ZSCAN25: variants seen among roughly 807,000 people sequenced by gnomAD.
ZSCAN25 encodes zinc finger and SCAN domain containing 25.
In ZSCAN25, 27 loss-of-function variants were observed where a neutral mutation model predicts 38.7. That is an observed-to-expected ratio of 0.70 (90% CI 0.51 to 0.96). The LOEUF is 0.96. Among genes scored for constraint, ZSCAN25 ranks in the 40% least tolerant of loss-of-function variants. The pLI is 0.00. For synonymous variants in ZSCAN25, 273 were observed against 277.7 expected (o/e 0.98, Z 0.17); for missense variants, 637 against 705.9 (o/e 0.90, Z 1.11).
At chr7:99,670,609 A>G in the ZSCAN25 span, among the ~76,000 whole-genome samples, 93 of 152,320 alleles carry the variant, frequency 6.1e-4, no homozygotes, top group African/African-American at 2.2e-3. Flanking sequence ...CTGATGTTCA[A>G]CTTATAGAAA....
the ZSCAN25 span, among the ~76,000 whole-genome samples, chr7:99,732,041 C>A: frequency 6.6e-6 from 1 of 152,140 alleles, no homozygotes; most frequent in African/African-American, 2.4e-5. Flanking sequence ...TGCCCCTACC[C>A]AAATCTCATG....
the ZSCAN25 span, among the ~76,000 whole-genome samples, chr7:99,733,632 T>C: frequency 3.9e-5 from 6 of 152,128 alleles, no homozygotes; most frequent in African/African-American, 1.4e-4. Context: ...GGTGCCCTTG[T>C]GTCCAGGCTT....
chr7:99,710,717 G>A, the ZSCAN25 span: 4 of 1,613,724 alleles, frequency 2.5e-6, no homozygotes, highest in East Asian at 2.2e-5. Flanking sequence ...CCTTCTCCAT[G>A]TACTGTCCAC....
At chr7:99,676,146 G>A in the ZSCAN25 span, 4 of 1,613,808 alleles carry the variant, frequency 2.5e-6, no homozygotes, top group Non-Finnish European at 3.4e-6. Context: ...TCCCAACAAA[G>A]GCAGAGGTGT....
chr7:99,708,332 C>T, the ZSCAN25 span, among the ~76,000 whole-genome samples: 1 of 152,202 alleles, frequency 6.6e-6, no homozygotes, highest in Non-Finnish European at 1.5e-5. Context: ...TGCCTCAAGT[C>T]ACCCTTATGT....
At chr7:99,662,910 G>T in the ZSCAN25 span, 1 of 1,612,674 alleles carries the variant, frequency 6.2e-7, no homozygotes, top group African/African-American at 1.3e-5. The surrounding 1 kb of genome is among the most constrained non-coding windows in gnomAD (Gnocchi z 4.3). Context: ...GATTTCTTTG[G>T]CAGAAAGTGA....
At chr7:99,668,262 G>A in the ZSCAN25 span, among the ~76,000 whole-genome samples, 1 of 152,142 alleles carries the variant, frequency 6.6e-6, no homozygotes, top group South Asian at 2.1e-4. Context: ...ACTATAAAAT[G>A]TTGAGGAAAG....
the ZSCAN25 span, chr7:99,665,187 C>G: frequency 6.2e-7 from 1 of 1,613,276 alleles, no homozygotes; most frequent in Non-Finnish European, 8.5e-7. Flanking sequence ...AATAATGGAT[C>G]TAAGAAACCA....
chr7:99,648,242 G>T, the ZSCAN25 span: 1 of 1,573,734 alleles, frequency 6.4e-7, no homozygotes, highest in Non-Finnish European at 8.6e-7. Context: ...TGACTAAGTT[G>T]AAATCTCTGG....
chr7:99,697,761 C>A, the ZSCAN25 span, among the ~76,000 whole-genome samples: 1 of 152,162 alleles, frequency 6.6e-6, no homozygotes, highest in Non-Finnish European at 1.5e-5. Flanking sequence ...GCAGAGGCAG[C>A]ATATAGTGCA....
chr7:99,657,462 G>A, the ZSCAN25 span, among the ~76,000 whole-genome samples: 2 of 152,054 alleles, frequency 1.3e-5, no homozygotes, highest in Admixed American at 1.3e-4. Flanking sequence ...TTGTTATAAT[G>A]TCTGTTCTTT....
At chr7:99,680,111 G>T in the ZSCAN25 span, 18 of 550,106 alleles carry the variant, frequency 3.3e-5, no homozygotes, top group Admixed American at 3.1e-4. Flanking sequence ...TTGAGTTCAT[G>T]TTCTATGAGG....
chr7:99,720,370 G>A, the ZSCAN25 span: 5,467 of 1,613,676 alleles, frequency 3.4e-3, 154 homozygotes, highest in African/African-American at 0.065. Context: ...TGATCATGTC[G>A]GGATCTGTGA....
the ZSCAN25 span, chr7:99,660,595 G>A: frequency 6.2e-7 from 1 of 1,613,874 alleles, no homozygotes; most frequent in African/African-American, 1.3e-5. Context: ...GAACACTGCT[G>A]GTGGTTTCAT....
At chr7:99,639,992 A>G in the ZSCAN25 span, among the ~76,000 whole-genome samples, 2 of 152,198 alleles carry the variant, frequency 1.3e-5, no homozygotes, top group African/African-American at 2.4e-5. Flanking sequence ...GCTTGAGCCC[A>G]GGAGGTCAAG....
the ZSCAN25 span, chr7:99,679,970 G>A: frequency 0.031 from 40,984 of 1,335,804 alleles, 748 homozygotes; most frequent in Middle Eastern, 0.061. Context: ...TGGGCTGTTT[G>A]CCTGGAGCTT....
At chr7:99,668,891 G>A in the ZSCAN25 span, among the ~76,000 whole-genome samples, 1 of 152,200 alleles carries the variant, frequency 6.6e-6, no homozygotes, top group Non-Finnish European at 1.5e-5. Flanking sequence ...TGTGTTTGTG[G>A]CAATTTGGCA....
At chr7:99,714,768 C>T in the ZSCAN25 span, 1 of 1,570,696 alleles carries the variant, frequency 6.4e-7, no homozygotes, top group Non-Finnish European at 8.6e-7. Flanking sequence ...CTCTACCAAT[C>T]AGAAGAGTGA....
chr7:99,652,393 C>A, the ZSCAN25 span: 1 of 537,266 alleles, frequency 1.9e-6, no homozygotes, highest in Non-Finnish European at 3.2e-6. Context: ...TTTTTCTAGT[C>A]TGTGGTTTGT....
Sources: gnomAD v4.1 joint callset for allele counts (sites outside exome capture counted in the v4.1 genomes callset) on GRCh38, gnomAD v4.1.1 for gene constraint, Gnocchi (gnomAD v3.1) non-coding constraint, MANE v1.5 for transcripts, NCBI Gene and HGNC (gene_info 2026-07-23, HGNC 2026-07-21) for gene names.